RBM20: variants seen among roughly 807,000 people sequenced by gnomAD.
The protein encoded by RBM20 is RNA-binding protein 20.
RBM20 carries 51 observed loss-of-function variants against 110.1 expected under a neutral mutation model. That is an observed-to-expected ratio of 0.46 (90% CI 0.37 to 0.59). The LOEUF is 0.59. Ranked by LOEUF, RBM20 falls within the 20% of genes least tolerant of loss-of-function variation. The pLI, the probability that RBM20 is intolerant of heterozygous loss-of-function variation, is 0.00. For synonymous variants in RBM20, 589 were observed against 618.2 expected, an observed-to-expected ratio of 0.95 and a Z score of 0.70; for missense variants, 1,512 against 1,574.9, an observed-to-expected ratio of 0.96 and a Z score of 0.68.
chr10:110,776,528 C>A (rs1257300984), intron 1 of RBM20, among the ~76,000 whole-genome samples: 1 of 152,148 alleles, frequency 6.6e-6, no homozygotes, highest in Non-Finnish European at 1.5e-5. Flanking sequence ...TGGCTCATGG[C>A]CCCTTCCTCC....
intron 13 of RBM20, among the ~76,000 whole-genome samples, chr10:110,834,910 G>A (rs900274076): frequency 6.6e-6 from 1 of 152,200 alleles, no homozygotes; most frequent in Non-Finnish European, 1.5e-5. Flanking sequence ...ATGGTGTTGG[G>A]CCGAGGCCAG....
At chr10:110,783,472 A>G (rs1424233972) in intron 3 of RBM20, 45 bp downstream of exon 3, 11 of 1,391,436 alleles carry the variant, frequency 7.9e-6, no homozygotes, top group Non-Finnish European at 1.0e-5. Flanking sequence ...GGCTCAACAC[A>G]TATTCACTGA....
At chr10:110,694,016 G>A (rs1862626375) in intron 1 of RBM20, among the ~76,000 whole-genome samples, 1 of 152,244 alleles carries the variant, frequency 6.6e-6, no homozygotes, top group African/African-American at 2.4e-5. Context: ...CTGGGTCAGA[G>A]AGAGCTAAGA....
At chr10:110,682,407 G>T (rs1257608548) in intron 1 of RBM20, among the ~76,000 whole-genome samples, 1 of 152,086 alleles carries the variant, frequency 6.6e-6, no homozygotes, top group African/African-American at 2.4e-5. Flanking sequence ...AAGAGTTTTC[G>T]CTTTGCAGGC....
intron 1 of RBM20, among the ~76,000 whole-genome samples, chr10:110,726,838 C>T (rs1843565207): frequency 6.6e-6 from 1 of 152,090 alleles, no homozygotes; most frequent in Non-Finnish European, 1.5e-5. Flanking sequence ...TCACCTGAGC[C>T]TGTATTTTTG....
chr10:110,691,193 A>G (rs1011682505), intron 1 of RBM20, among the ~76,000 whole-genome samples: 1 of 152,202 alleles, frequency 6.6e-6, no homozygotes, highest in African/African-American at 2.4e-5. Context: ...TTCACCAGAC[A>G]CCAGATCTGC....
chr10:110,742,924 G>A (rs1843738369), intron 1 of RBM20, among the ~76,000 whole-genome samples: 1 of 152,198 alleles, frequency 6.6e-6, no homozygotes, highest in Non-Finnish European at 1.5e-5. Context: ...TGAAAGATCT[G>A]CTTTCTGCTG....
chr10:110,752,203 C>T (rs915306476), intron 1 of RBM20, among the ~76,000 whole-genome samples: 34 of 152,308 alleles, frequency 2.2e-4, no homozygotes, highest in African/African-American at 6.7e-4. Context: ...CTATATATCC[C>T]TTCTCCCCGC....
chr10:110,808,215 A>T lies in RBM20; in HGVS notation c.1801-2168A>T, dbSNP rs1844720188. ...CTTCTTCTACCCCAAGTGACAACCG[A>T]CCCTGGCTGAAGGACCAGTGGTCTC... On this transcript the variant is annotated intron_variant, in intron 7 of 13. Transcript: ENST00000369519. Among the ~76,000 whole-genome samples the T allele has an allele frequency of 2.6e-5, 4 of 152,184 alleles. No individual in the cohort carries two copies. In the South Asian group the frequency reaches 8.3e-4, roughly 32 times the overall value.
At chr10:110,696,142 G>A (rs373877705) in intron 1 of RBM20, among the ~76,000 whole-genome samples, 19 of 152,290 alleles carry the variant, frequency 1.2e-4, no homozygotes, top group African/African-American at 4.6e-4. Context: ...GAGCCACACT[G>A]GGCTAGAGTT....
chr10:110,773,580 C>T (rs1005844919), intron 1 of RBM20, among the ~76,000 whole-genome samples: 1 of 152,034 alleles, frequency 6.6e-6, no homozygotes, highest in Non-Finnish European at 1.5e-5. Context: ...AGAATATTTT[C>T]AAAGAAATAA....
intron 1 of RBM20, among the ~76,000 whole-genome samples, chr10:110,695,246 A>G (rs1453587523): frequency 1.3e-5 from 2 of 152,222 alleles, no homozygotes; most frequent in South Asian, 4.1e-4. Context: ...TTGGAAATTT[A>G]ACATGAAATA....
intron 1 of RBM20, among the ~76,000 whole-genome samples, chr10:110,755,299 C>G (rs775218340): frequency 3.3e-5 from 5 of 152,230 alleles, no homozygotes; most frequent in Middle Eastern, 6.8e-3. Context: ...TCATCCTTAC[C>G]CCTTTGATGT....
rs1330659380 is a variant in RBM20 at position 110,784,399 on chromosome 10, A to G, written c.1396A>G (p.Ser466Gly). The G allele has an allele frequency of 2.6e-6, 4 of 1,551,514 alleles. No individual in the cohort carries two copies. The highest frequency in any genetic ancestry group is 3.9e-5 in the Admixed American group (2 of 51,008). Reference sequence around the variant, plus strand: ...GGGAACATTGTGTGCTTCTCCCAACAGCACAGCTGTTTATAACCCTGCTGG... The same window carrying G: ...GGGAACATTGTGTGCTTCTCCCAACGGCACAGCTGTTTATAACCCTGCTGG... ...AEGTLCASPN[S>G]TAVYNPAGNE... The change falls in exon 4 of 14, where the codon AGC becomes GGC. Residue 466 changes from serine (S) to glycine (G), a missense_variant. Physicochemically the swap from Ser to Gly is moderately conservative, Grantham distance 56. Around this residue, in one of 3 missense-constraint regions of RBM20, gnomAD observed 1,149 missense variants for 1,169.4 expected, o/e 0.98. Transcript: ENST00000369519.
At chr10:110,767,742 A>C (rs1457424249) in intron 1 of RBM20, among the ~76,000 whole-genome samples, 2 of 151,852 alleles carry the variant, frequency 1.3e-5, no homozygotes, top group Non-Finnish European at 2.9e-5. Flanking sequence ...GCGGCCGGGC[A>C]GAGACGCTCC....
chr10:110,657,893 T>C (rs1862047542), intron 1 of RBM20, among the ~76,000 whole-genome samples: 1 of 152,262 alleles, frequency 6.6e-6, no homozygotes, highest in South Asian at 2.1e-4. Context: ...ATAAGAATCA[T>C]TGTTTGGGTG....
chr10:110,681,618 G>A (rs1435328851), intron 1 of RBM20, among the ~76,000 whole-genome samples: 1 of 152,142 alleles, frequency 6.6e-6, no homozygotes, highest in Admixed American at 6.5e-5. Context: ...CCTGAGGTCG[G>A]GTGAGGAGTT....
At chr10:110,783,980 A>G (rs911188176) in intron 3 of RBM20, among the ~76,000 whole-genome samples, 9 of 152,188 alleles carry the variant, frequency 5.9e-5, no homozygotes, top group African/African-American at 2.2e-4. Flanking sequence ...TTTTCTGTAA[A>G]TGGAATCATA....
intron 1 of RBM20, among the ~76,000 whole-genome samples, chr10:110,773,254 A>G (rs1294571198): frequency 2.0e-5 from 3 of 152,256 alleles, no homozygotes; most frequent in South Asian, 2.1e-4. Context: ...TTTTCTATAT[A>G]TAGATACAGG....
Sources: allele counts gnomAD v4.1 joint callset (sites outside exome capture counted in the v4.1 genomes callset), GRCh38; gene constraint gnomAD v4.1.1; regional missense constraint gnomAD v4.1.1; transcripts MANE v1.5; gene names NCBI Gene and HGNC (gene_info 2026-07-23, HGNC 2026-07-21).